PIAS1: variants seen among roughly 807,000 people sequenced by gnomAD.
PIAS1 encodes the protein protein inhibitor of activated STAT 1, also known as E3 SUMO-protein ligase PIAS1.
PIAS1 carries 6 observed loss-of-function variants against 71.3 expected under a neutral mutation model. The observed-to-expected ratio is 0.08, with a 90% confidence interval of 0.05 to 0.17. PIAS1 has a LOEUF of 0.17. PIAS1 is among the 10% of genes least tolerant of loss of function. PIAS1 has a pLI of 1.00. For missense variants in PIAS1, 555 were observed against 793.6 expected, an observed-to-expected ratio of 0.70 and a Z score of 3.61; for synonymous variants, 303 against 292.9, an observed-to-expected ratio of 1.03 and a Z score of -0.35.
At chr15:68,094,687 GGCATTC>G (rs1487476299) in intron 2 of PIAS1, among the ~76,000 whole-genome samples, 2 of 152,086 alleles carry the variant, frequency 1.3e-5, no homozygotes, top group African/African-American at 4.8e-5. Flanking sequence ...TATTAGAAAG[GGCATTC>G]AAAGGTTTTA....
At position 68,091,720 on chromosome 15, in the gene PIAS1, G is replaced by C. The variant is rs571435829; in HGVS notation, c.469+4970G>C. Among the ~76,000 whole-genome samples the C allele has an allele frequency of 6.7e-4, 102 of 152,218 alleles. 1 individual carries two copies. The highest frequency in any genetic ancestry group is 2.3e-3 in the African/African-American group (97 of 41,530). ...TACACTTAACCTACCAAACATGATA[G>C]GTTAGCTTAACCTACCTTAAATGTG... On this transcript the variant is annotated intron_variant, in intron 2 of 13. Coordinates refer to ENST00000249636, the MANE Select transcript of PIAS1 (RefSeq NM_016166.3).
chr15:68,189,343 G>A lies in PIAS1; in HGVS notation c.*1508G>A, dbSNP rs893482543. 2 of 152,150 alleles carry A rather than the reference G, an allele frequency of 1.3e-5. No homozygotes were observed. The highest frequency in any genetic ancestry group is 2.4e-5 in the African/African-American group (1 of 41,430). 9.4% of individuals were successfully genotyped at this position (152,150 alleles called of 1,614,324 possible). On this transcript the variant is annotated 3_prime_UTR_variant, in exon 14 of 14. Transcript: ENST00000249636. Reference sequence around the variant, plus strand: ...GCAGGTTTAACAGAAGAGATAAGGGGCATAATGACTGCTGGTTTTCCAGAC... The same window carrying A: ...GCAGGTTTAACAGAAGAGATAAGGGACATAATGACTGCTGGTTTTCCAGAC...
chr15:68,066,460 T>C (rs989165120), intron 1 of PIAS1, among the ~76,000 whole-genome samples: 2 of 152,186 alleles, frequency 1.3e-5, no homozygotes, highest in Non-Finnish European at 2.9e-5. Context: ...AAATGAAAAA[T>C]TCCCTAACTT....
intron 2 of PIAS1, among the ~76,000 whole-genome samples, chr15:68,116,657 A>C (rs569710852): frequency 7.9e-5 from 12 of 151,864 alleles, no homozygotes; most frequent in African/African-American, 2.7e-4. Flanking sequence ...TAGTTTCTTA[A>C]GGTATAAACT....
chr15:68,062,488 G>C (rs919665229), intron 1 of PIAS1, among the ~76,000 whole-genome samples: 1 of 152,062 alleles, frequency 6.6e-6, no homozygotes. Flanking sequence ...TTTTCACCTC[G>C]AAAAGCAACC....
rs145922751 is a variant in PIAS1 at position 68,060,442 on chromosome 15, A to C, written c.24+6092A>C. ...AGCCTGACCAACATGGTGAAACCCT[A>C]TCTCTACTAAAAATACAAAAATTAG... is the stretch of plus-strand genomic sequence containing the variant. On this transcript the variant is annotated intron_variant, in intron 1 of 13. Transcript: ENST00000249636. 2.8e-3 allele frequency among the ~76,000 whole-genome samples: 413 copies of C among 150,000 alleles called. 3 individuals carry two copies. The highest frequency in any genetic ancestry group is 9.3e-3 in the African/African-American group (385 of 41,190).
chr15:68,164,424 G>A (rs942468261), intron 7 of PIAS1, among the ~76,000 whole-genome samples: 2 of 151,952 alleles, frequency 1.3e-5, no homozygotes, highest in Admixed American at 6.6e-5. Flanking sequence ...AAAGAAAAAG[G>A]GTCTACCATT....
At chr15:68,062,838 T>A (rs1446905492) in intron 1 of PIAS1, among the ~76,000 whole-genome samples, 2 of 151,796 alleles carry the variant, frequency 1.3e-5, no homozygotes, top group East Asian at 3.8e-4. Flanking sequence ...TCCTACAGTT[T>A]GCTTTTTTTT....
At chr15:68,087,799 T>C (rs975759913) in intron 2 of PIAS1, 4 of 332,752 alleles carry the variant, frequency 1.2e-5, no homozygotes, top group Non-Finnish European at 1.9e-5. Context: ...TTACTGAAAT[T>C]CTATCTTTGA....
chr15:68,125,156 C>CT (rs201990465), intron 2 of PIAS1, among the ~76,000 whole-genome samples: 9 of 151,614 alleles, frequency 5.9e-5, no homozygotes, highest in South Asian at 2.1e-4. Flanking sequence ...ATTTTCTTTT[C>CT]TTTTTTTTTC....
rs1345700659 is a variant in PIAS1, at chr15:68,189,659, T to C, written c.*1824T>C. On this transcript the variant is annotated 3_prime_UTR_variant, in exon 14 of 14. Transcript: ENST00000249636. ...GTATATGTGTGTGTGTATATATGTA[T>C]TTATAAACAAGTGTGTTTGAGTAAC... 6.6e-6 allele frequency: 1 copy of C among 152,164 alleles called. No homozygotes were observed. The highest frequency in any genetic ancestry group is 1.5e-5 in the Non-Finnish European group (1 of 68,012). The allele number at this position is 152,164 out of a possible 1,614,324, so 9.4% of individuals were successfully genotyped here. A position where few individuals can be genotyped will look rare whatever the true frequency, so the allele number is the denominator to read the frequency against.
rs540153843 is a variant in PIAS1 at position 68,145,932 on chromosome 15, A to T, written c.693+26A>T. 5 of 1,278,956 alleles carry T rather than the reference A, an allele frequency of 3.9e-6. No homozygotes were observed. The East Asian group carries it at 9.2e-5, about 24-fold the overall frequency. The allele number at this position is 1,278,956 out of a possible 1,614,324, so 79.2% of individuals were successfully genotyped here. A position where few individuals can be genotyped will look rare whatever the true frequency, so the allele number is the denominator to read the frequency against. On this transcript the variant is annotated intron_variant, in intron 5 of 13. Coordinates refer to ENST00000249636, the MANE Select transcript of PIAS1 (RefSeq NM_016166.3). ...GTAAGTCCTAAGAGCTGTTTTTTAA[A>T]ATTCATTGCCAACATAACTATCAAA...
chr15:68,150,988 G>T (rs76791346), intron 6 of PIAS1, among the ~76,000 whole-genome samples: 2,102 of 152,032 alleles, frequency 0.014, 58 homozygotes, highest in African/African-American at 0.048. Flanking sequence ...CAATTACAGA[G>T]AAATTATCTC....
rs768222106 is a variant in PIAS1 at position 68,175,776 on chromosome 15, T to C, written c.1300+9T>C. On this transcript the variant is annotated intron_variant, in intron 10 of 13. Transcript: ENST00000249636. ...TTACAATGGAGTCGATGGTGAGTAG[T>C]TCTTCACAAGGAAGAGGCAGTCTCC... 2 of 1,593,206 alleles carry C rather than the reference T, an allele frequency of 1.3e-6. No individual in the cohort carries two copies. Among genetic ancestry groups the C allele is most frequent in the Non-Finnish European group, 1.7e-6 (2 of 1,168,556 alleles).
chr15:68,138,451 C>T (rs1372407670), intron 2 of PIAS1, among the ~76,000 whole-genome samples: 1 of 152,126 alleles, frequency 6.6e-6, no homozygotes, highest in Non-Finnish European at 1.5e-5. Flanking sequence ...CAGTGCTGTC[C>T]AGTTCTGTCA....
intron 10 of PIAS1, among the ~76,000 whole-genome samples, chr15:68,176,253 G>A (rs1230243731): frequency 6.6e-6 from 1 of 152,070 alleles, no homozygotes; most frequent in African/African-American, 2.4e-5. Flanking sequence ...GACACATTTT[G>A]ATTGTTTGCT....
chr15:68,157,609 C>T (rs996398130), intron 7 of PIAS1, among the ~76,000 whole-genome samples: 7 of 152,168 alleles, frequency 4.6e-5, no homozygotes, highest in South Asian at 4.1e-4. Context: ...ACCACTTTCT[C>T]CTTGAAATTC....
intron 2 of PIAS1, among the ~76,000 whole-genome samples, chr15:68,137,176 G>C (rs2092739682): frequency 2.6e-5 from 4 of 152,132 alleles, no homozygotes; most frequent in Admixed American, 2.6e-4. Context: ...CCTGGGAATT[G>C]ATCCAAATAA....
intron 5 of PIAS1, 135 bp from the exon 6 acceptor site, chr15:68,146,431 T>C (rs2092808502): frequency 1.5e-6 from 1 of 647,798 alleles, no homozygotes; most frequent in South Asian, 2.3e-5. Context: ...AACTTGTAAA[T>C]GTTTGCTTCT....
Sources: allele counts gnomAD v4.1 joint callset (sites outside exome capture counted in the v4.1 genomes callset), GRCh38; gene constraint gnomAD v4.1.1; transcripts MANE v1.5; gene names NCBI Gene and HGNC (gene_info 2026-07-23, HGNC 2026-07-21).